Variants in SNRPN observed in about 807,000 individuals in gnomAD.
SNRPN encodes the protein small nuclear ribonucleoprotein-associated protein N.
A neutral mutation model predicts 25.2 loss-of-function variants in SNRPN; 7 were observed. That is an observed-to-expected ratio of 0.28 (90% CI 0.16 to 0.52). SNRPN has a LOEUF of 0.52. Among genes scored for constraint, SNRPN ranks in the 20% least tolerant of loss-of-function variants. The pLI, the probability that SNRPN is intolerant of heterozygous loss-of-function variation, is 0.96. For synonymous variants in SNRPN, 124 were observed against 110.6 expected (o/e 1.12, Z -0.76); for missense variants, 196 against 322.5 (o/e 0.61, Z 3.00).
intron 2 of SNRPN, among the ~76,000 whole-genome samples, chr15:24,890,412 C>T (rs1437562012): frequency 6.6e-6 from 1 of 152,172 alleles, no homozygotes; most frequent in African/African-American, 2.4e-5. Flanking sequence ...CACAGTGGCT[C>T]ACACCTGTAA....
intron 2 of SNRPN, chr15:24,849,894 A>T (rs1301014071): frequency 6.6e-6 from 1 of 152,222 alleles, no homozygotes; most frequent in African/African-American, 2.4e-5. Flanking sequence ...AAGGCATAAG[A>T]TTTACTTGTT....
At position 24,887,847 on chromosome 15, in the gene SNRPN, T is replaced by C. The variant is rs530418092; in HGVS notation, c.-505+1258T>C. Among the ~76,000 whole-genome samples, 12 of 151,970 alleles carry C rather than the reference T, an allele frequency of 7.9e-5. No homozygotes were observed. The South Asian group carries it at 1.5e-3, about 19-fold the overall frequency. On this transcript the variant is annotated intron_variant, in intron 2 of 11. Coordinates refer to the SNRPN transcript ENST00000400097. ...GGTCCCTGGATGTTGCCAAGAGGGA[T>C]AGGGTCTGGGAAAGAGTGAGGATGG...
chr15:24,972,772 A>G (rs747401811), intron 3 of SNRPN, among the ~76,000 whole-genome samples: 1 of 146,158 alleles, frequency 6.8e-6, no homozygotes, highest in Non-Finnish European at 1.5e-5. Context: ...AACATTATGC[A>G]TGCTTGATTA....
At chr15:24,890,429 T>C (rs368494451) in intron 2 of SNRPN, among the ~76,000 whole-genome samples, 2 of 152,060 alleles carry the variant, frequency 1.3e-5, no homozygotes, top group East Asian at 3.9e-4. Flanking sequence ...GTAATCCCAG[T>C]ACTTTGGGAG....
chr15:24,851,101 T>C (rs2052781693), intron 2 of SNRPN: 1 of 150,530 alleles, frequency 6.6e-6, no homozygotes, highest in African/African-American at 2.4e-5. Context: ...TATTTTTTTG[T>C]AAAGACGTGT....
chr15:24,838,507 C>T (rs2051415765), intron 2 of SNRPN, among the ~76,000 whole-genome samples: 1 of 152,090 alleles, frequency 6.6e-6, no homozygotes, highest in African/African-American at 2.4e-5. Context: ...GGCTTCCTGG[C>T]CTCTGCTGCC....
intron 1 of SNRPN, among the ~76,000 whole-genome samples, chr15:24,885,758 CTGGGTGTG>C: frequency 9.0e-6 from 1 of 110,968 alleles, no homozygotes; most frequent in East Asian, 3.8e-4. Context: ...GTGTGTATGT[CTGGGTGTG>C]TGAATATTGT....
Position 24,975,444 on chromosome 15 carries a change from C to A in SNRPN, c.90C>A (p.Thr30=), listed in dbSNP as rs1472464689. ...ILQDGRIFIG[T]FKAFDKHMNL... ...AAGATGGCCGAATCTTCATTGGCAC[C>A]TTTAAGGCTTTTGACAAGCATATGA... The change falls in exon 5 of 10, where the codon ACC becomes ACA. Residue 30 remains threonine, a synonymous_variant. Transcript: ENST00000390687. 6.2e-7 allele frequency: 1 copy of A among 1,613,460 alleles called. No homozygotes were observed. The highest frequency in any genetic ancestry group is 8.5e-7 in the Non-Finnish European group (1 of 1,179,456).
chr15:24,978,348 C>T, intron 9 of SNRPN, 30 bp downstream of exon 9: 1 of 1,614,000 alleles, frequency 6.2e-7, no homozygotes, highest in East Asian at 2.2e-5. Flanking sequence ...TTTGATGGTT[C>T]AGCCAGGCCC....
At chr15:24,901,088 C>T (rs527332697) in intron 2 of SNRPN, among the ~76,000 whole-genome samples, 65 of 152,098 alleles carry the variant, frequency 4.3e-4, no homozygotes, top group African/African-American at 1.6e-3. Flanking sequence ...AGAGCCAGAC[C>T]CTGTCTCAAA....
chr15:24,957,388 A>G (rs1202461741), intron 1 of SNRPN, among the ~76,000 whole-genome samples: 1 of 152,222 alleles, frequency 6.6e-6, no homozygotes, highest in African/African-American at 2.4e-5. Flanking sequence ...TGGATCAGTT[A>G]CTGTCTTTTT....
intron 2 of SNRPN, among the ~76,000 whole-genome samples, chr15:24,919,665 G>A (rs2059924103): frequency 6.6e-6 from 1 of 152,134 alleles, no homozygotes; most frequent in East Asian, 1.9e-4. Flanking sequence ...TTTTGCTGAA[G>A]ACAGGCCAGG....
rs7170796 is a variant in SNRPN at position 24,829,812 on chromosome 15, T to C, written c.-672T>C. ...TCATTTTGCAGATGTAAGTGGGATC[T>C]GTGGATCTGAAAATTCACAGTGGCC... On this transcript the variant is annotated 5_prime_UTR_variant, in exon 2 of 13. Transcript: ENST00000400100. 0.14 allele frequency: 20,931 copies of C among 151,978 alleles called. 1,751 individuals carry two copies. Among genetic ancestry groups the C allele is most frequent in the African/African-American group, 0.22 (8,931 of 41,318 alleles). 9.4% of individuals were successfully genotyped at this position (151,978 alleles called of 1,614,324 possible).
chr15:24,918,934 C>G (rs34891126), intron 2 of SNRPN, among the ~76,000 whole-genome samples: 1 of 21,292 alleles, frequency 4.7e-5, no homozygotes, highest in East Asian at 7.7e-4. Flanking sequence ...TATATATATG[C>G]GCACATATAT....
At chr15:24,880,881 T>C (rs1362047489) in intron 1 of SNRPN, among the ~76,000 whole-genome samples, 2 of 152,134 alleles carry the variant, frequency 1.3e-5, no homozygotes, top group Non-Finnish European at 2.9e-5. Context: ...CTTACTACAT[T>C]GCCCAGGCTG....
At chr15:24,837,578 C>T (rs995544472) in intron 2 of SNRPN, among the ~76,000 whole-genome samples, 1 of 149,248 alleles carries the variant, frequency 6.7e-6, no homozygotes, top group African/African-American at 2.4e-5. Context: ...ACCGTGTTAG[C>T]TAGGATGGTC....
chr15:24,877,697 A>ACACACACACAC (rs1566858064), intron 1 of SNRPN, among the ~76,000 whole-genome samples: 74 of 113,930 alleles, frequency 6.5e-4, no homozygotes, highest in African/African-American at 2.0e-3. Context: ...CACACACACA[A>ACACACACACAC]ACACACTAGC....
intron 2 of SNRPN, among the ~76,000 whole-genome samples, chr15:24,918,596 GTATA>G (rs1347831806): frequency 1.2e-5 from 1 of 85,842 alleles, no homozygotes; most frequent in Non-Finnish European, 2.2e-5. Flanking sequence ...TAATATATAT[GTATA>G]TATATAACAT....
At chr15:24,888,585 A>G (rs1435527734) in intron 2 of SNRPN, among the ~76,000 whole-genome samples, 1 of 152,214 alleles carries the variant, frequency 6.6e-6, no homozygotes, top group Non-Finnish European at 1.5e-5. Flanking sequence ...TCTTAACAAA[A>G]TAGGACCTTA....
Sources: gnomAD v4.1 joint callset for allele counts (sites outside exome capture counted in the v4.1 genomes callset) on GRCh38, gnomAD v4.1.1 for gene constraint, MANE v1.5 for transcripts, NCBI Gene and HGNC (gene_info 2026-07-23, HGNC 2026-07-21) for gene names.